PBX3: variants seen among roughly 807,000 people sequenced by gnomAD.
The protein encoded by PBX3 is pre-B-cell leukemia transcription factor 3.
A neutral mutation model predicts 48.5 loss-of-function variants in PBX3; 14 were observed. The ratio of observed to expected loss-of-function variants is 0.29; its 90% CI spans 0.19 to 0.45. The LOEUF (loss-of-function observed/expected upper bound fraction) is 0.45. Among genes scored for constraint, PBX3 ranks in the 20% least tolerant of loss-of-function variants. The pLI is 1.00. For missense variants in PBX3, 386 were observed against 546.7 expected (o/e 0.71, Z 2.93); for synonymous variants, 210 against 200.3 (o/e 1.05, Z -0.41).
At chr9:125,793,391 A>ATT (rs1554855791) in intron 2 of PBX3, among the ~76,000 whole-genome samples, 4 of 142,878 alleles carry the variant, frequency 2.8e-5, no homozygotes, top group East Asian at 2.0e-4. Flanking sequence ...ATATATATAT[A>ATT]TTTACTATTA....
intron 2 of PBX3, among the ~76,000 whole-genome samples, chr9:125,774,798 T>C (rs1837027886): frequency 6.6e-6 from 1 of 152,212 alleles, no homozygotes; most frequent in Non-Finnish European, 1.5e-5. Flanking sequence ...GTTTAACTTT[T>C]TAAGCAAATG....
Position 125,858,823 on chromosome 9 carries a change from A to G in PBX3, c.275-56863A>G, listed in dbSNP as rs544392911. Among the ~76,000 whole-genome samples, 102 of 152,166 alleles carry G rather than the reference A, an allele frequency of 6.7e-4. 4 individuals carry two copies. The highest frequency in any genetic ancestry group is 6.3e-3 in the Admixed American group (96 of 15,292). On this transcript the variant is annotated intron_variant, in intron 2 of 8. Coordinates refer to ENST00000373489, the MANE Select transcript of PBX3 (RefSeq NM_006195.6). ...GTATTTTTAGTAGAGACAGGGTTTC[A>G]CCACGTTAGCCAGGCTGGTCTTGAA...
rs1263966407 is a variant in PBX3 at position 125,793,364 on chromosome 9, A to ATATATATATATATAT, written c.274+44741_274+44742insTATATATATATATAT. 4.2e-4 allele frequency among the ~76,000 whole-genome samples: 25 copies of ATATATATATATATAT among 59,092 alleles called. 1 individual carries two copies. The highest frequency in any genetic ancestry group is 1.4e-3 in the African/African-American group (25 of 18,396). 38.8% of individuals were successfully genotyped at this position (59,092 alleles called of 152,430 possible). ...GAGACTCCATTTGGGGGGGAAAAAAAAAATATATATATATATATATATATA... is the reference window on the plus strand; with the variant it reads ...GAGACTCCATTTGGGGGGGAAAAAAATATATATATATATATAAATATATATATATATATATATATA... On this transcript the variant is annotated intron_variant, in intron 2 of 8. Transcript: ENST00000373489.
chr9:125,950,922 A>G (rs1842182181), intron 5 of PBX3, among the ~76,000 whole-genome samples: 1 of 152,214 alleles, frequency 6.6e-6, no homozygotes. Flanking sequence ...ACTTAATACA[A>G]TGAAAAAGAA....
chr9:125,892,064 C>T (rs1272657344), intron 2 of PBX3, among the ~76,000 whole-genome samples: 1 of 152,038 alleles, frequency 6.6e-6, no homozygotes, highest in Non-Finnish European at 1.5e-5. Context: ...GGATTACAGG[C>T]ACTTACCACC....
Position 125,915,941 on chromosome 9 carries a change from A to C in PBX3, c.516+14A>C. On this transcript the variant is annotated intron_variant, in intron 3 of 8. Transcript: ENST00000373489. Reference sequence around the variant, plus strand: ...AAATATGAACAGGTCAGCAGCCGCCACTCTCATAGTCCTACACAAACCCTC... The same window carrying C: ...AAATATGAACAGGTCAGCAGCCGCCCCTCTCATAGTCCTACACAAACCCTC... 1 of 1,611,464 alleles carries C rather than the reference A, an allele frequency of 6.2e-7. No individual in the cohort carries two copies. Among genetic ancestry groups the C allele is most frequent in the Non-Finnish European group, 8.5e-7 (1 of 1,179,226 alleles).
chr9:125,845,629 AC>A (rs1350733748), intron 2 of PBX3, among the ~76,000 whole-genome samples: 1 of 152,138 alleles, frequency 6.6e-6, no homozygotes. Context: ...GTGAAATTGA[AC>A]AGCAAGGAGG....
intron 8 of PBX3, 72 bp from the exon 9 acceptor site, chr9:125,965,759 C>A: frequency 9.0e-7 from 1 of 1,106,990 alleles, no homozygotes; most frequent in South Asian, 1.3e-5. Flanking sequence ...ATGTTGTCAT[C>A]CGGGTGTTTT....
At chr9:125,859,937 A>G (rs925957140) in intron 2 of PBX3, among the ~76,000 whole-genome samples, 1 of 152,182 alleles carries the variant, frequency 6.6e-6, no homozygotes, top group South Asian at 2.1e-4. Context: ...GTAGCTATGT[A>G]CTGTCCTTGA....
intron 2 of PBX3, among the ~76,000 whole-genome samples, chr9:125,869,130 A>G (rs1417068056): frequency 1.3e-5 from 2 of 152,234 alleles, no homozygotes; most frequent in African/African-American, 4.8e-5. Context: ...ACAGGACACC[A>G]TTAAAAGTAA....
chr9:125,791,731 C>T (rs1432874758), intron 2 of PBX3, among the ~76,000 whole-genome samples: 4 of 151,856 alleles, frequency 2.6e-5, no homozygotes, highest in Non-Finnish European at 5.9e-5. Context: ...GTCAGGAGTT[C>T]GAGACTATCC....
In PBX3 at chr9:125,870,026, CT is replaced by C. The variant is rs568310288; in HGVS notation, c.275-45643del. 1.0e-2 allele frequency among the ~76,000 whole-genome samples: 1,377 copies of C among 137,870 alleles called. 20 individuals are homozygous for C. Among genetic ancestry groups the C allele is most frequent in the African/African-American group, 0.031 (1,166 of 37,794 alleles). 90.4% of individuals were successfully genotyped at this position (137,870 alleles called of 152,430 possible). A position where few individuals can be genotyped will look rare whatever the true frequency, so the allele number is the denominator to read the frequency against. On this transcript the variant is annotated intron_variant, in intron 2 of 8. Coordinates refer to ENST00000373489, the MANE Select transcript of PBX3 (RefSeq NM_006195.6). ...TTCACAATCATGGCGAAAGGCACAT[CT>C]TTTTTTTTTTTTTTTTCTGAGACGG...
chr9:125,899,229 TTATATATAAA>T (rs1840851901), intron 2 of PBX3, among the ~76,000 whole-genome samples: 1 of 95,154 alleles, frequency 1.1e-5, no homozygotes, highest in Non-Finnish European at 2.3e-5. Flanking sequence ...GTATATATAT[TTATATATAAA>T]TATACATATG....
intron 3 of PBX3, among the ~76,000 whole-genome samples, chr9:125,924,422 G>A (rs961703252): frequency 1.3e-5 from 2 of 152,138 alleles, no homozygotes; most frequent in Admixed American, 6.5e-5. Flanking sequence ...GACGTTAATA[G>A]CCTTTTCAGA....
At chr9:125,934,083 C>T (rs1841782051) in intron 4 of PBX3, among the ~76,000 whole-genome samples, 1 of 152,096 alleles carries the variant, frequency 6.6e-6, no homozygotes, top group Non-Finnish European at 1.5e-5. Flanking sequence ...ATTTTAATCC[C>T]CAAATACATC....
chr9:125,871,567 T>C (rs1840127147), intron 2 of PBX3, among the ~76,000 whole-genome samples: 1 of 151,976 alleles, frequency 6.6e-6, no homozygotes, highest in South Asian at 2.1e-4. Context: ...AAACATTATA[T>C]AATTCCATTT....
chr9:125,807,716 T>C (rs1453230756), intron 2 of PBX3, among the ~76,000 whole-genome samples: 1 of 152,138 alleles, frequency 6.6e-6, no homozygotes, highest in Non-Finnish European at 1.5e-5. Flanking sequence ...TTATTGTAGG[T>C]ACATGATAGT....
intron 2 of PBX3, among the ~76,000 whole-genome samples, chr9:125,893,682 T>C (rs1428223967): frequency 6.6e-6 from 1 of 152,234 alleles, no homozygotes; most frequent in African/African-American, 2.4e-5. Flanking sequence ...CTGTAATGAA[T>C]GTCTTCAAAA....
At chr9:125,921,058 T>C (rs1231833396) in intron 3 of PBX3, among the ~76,000 whole-genome samples, 1 of 148,548 alleles carries the variant, frequency 6.7e-6, no homozygotes, top group African/African-American at 2.4e-5. Context: ...ATTTTGCTAT[T>C]TCTTCTTAAT....
Sources: gnomAD v4.1 joint callset for allele counts (sites outside exome capture counted in the v4.1 genomes callset) on GRCh38, gnomAD v4.1.1 for gene constraint, MANE v1.5 for transcripts, NCBI Gene and HGNC (gene_info 2026-07-23, HGNC 2026-07-21) for gene names.